ANKRD30A: variants seen among roughly 807,000 people sequenced by gnomAD.
The protein encoded by ANKRD30A is ankyrin repeat domain 30A, also known as ankyrin repeat domain-containing protein 30A.
In ANKRD30A, 170 loss-of-function variants were observed where a neutral mutation model predicts 166.3. The ratio of observed to expected loss-of-function variants is 1.02; its 90% CI spans 0.90 to 1.16. ANKRD30A has a LOEUF of 1.16. ANKRD30A is among the 50% of genes most tolerant of loss of function. The probability of loss-of-function intolerance (pLI) is 0.00; values close to 1 mark genes in which losing one functional copy is unlikely to be tolerated. For synonymous variants in ANKRD30A, 564 were observed against 508.9 expected, an observed-to-expected ratio of 1.11 and a Z score of -1.46; for missense variants, 1,630 against 1,518.0, an observed-to-expected ratio of 1.07 and a Z score of -1.23.
chr10:37,189,391 T>A, intron 24 of ANKRD30A, 76 bp from the exon 25 acceptor site: 2 of 414,142 alleles, frequency 4.8e-6, no homozygotes, highest in East Asian at 7.4e-5. Context: ...AAAAAAGAAT[T>A]TAATTAGGAA....
chr10:37,191,391 T>A (rs1840565106), intron 25 of ANKRD30A, among the ~76,000 whole-genome samples: 1 of 152,014 alleles, frequency 6.6e-6, no homozygotes, highest in Middle Eastern at 3.2e-3. Context: ...TCATCCGAAC[T>A]GTGTGGCTTC....
chr10:37,146,865 G>A (rs1223511727), intron 8 of ANKRD30A, among the ~76,000 whole-genome samples: 1 of 152,094 alleles, frequency 6.6e-6, no homozygotes, highest in Non-Finnish European at 1.5e-5. Flanking sequence ...TTAACTAAAG[G>A]TAAAGATCAG....
At chr10:37,130,927 G>A (rs1355568283) in intron 3 of ANKRD30A, among the ~76,000 whole-genome samples, 1 of 151,978 alleles carries the variant, frequency 6.6e-6, no homozygotes. Flanking sequence ...CTCTCTCATA[G>A]TATATTTTGG....
chr10:37,190,821 G>GAT (rs1034999353), intron 25 of ANKRD30A, among the ~76,000 whole-genome samples: 21 of 150,366 alleles, frequency 1.4e-4, no homozygotes, highest in Non-Finnish European at 2.5e-4. Flanking sequence ...TCAATATATA[G>GAT]ATATATATAT....
chr10:37,134,050 A>C lies in ANKRD30A; in HGVS notation c.752A>C (p.His251Pro). 1 of 1,613,838 alleles carries C rather than the reference A, an allele frequency of 6.2e-7. No homozygotes were observed. Among genetic ancestry groups the C allele is most frequent in the Non-Finnish European group, 8.5e-7 (1 of 1,179,854 alleles). Reference protein sequence around the residue: ...AEHYAVTCGFHHIHEQIMEYI... With the variant: ...AEHYAVTCGFPHIHEQIMEYI... ...CATTATGCTGTTACTTGTGGATTTC[A>C]TCAGTAAGTGTTTACGTTTAGAGGC... is the stretch of plus-strand genomic sequence containing the variant. Residue 251 changes from histidine to proline, a missense_variant, in exon 5 of 36, where the codon CAT (histidine) becomes CCT (proline). By Grantham distance (77) the His-to-Pro change is moderately conservative. Around this residue, in one of 4 missense-constraint regions of ANKRD30A, gnomAD observed 904 missense variants for 818.5 expected, o/e 1.10. Transcript: ENST00000361713.
rs1304119761 is a variant in ANKRD30A at position 37,147,359 on chromosome 10, A to G, written c.1456-11A>G. On this transcript the variant is annotated splice_polypyrimidine_tract_variant and intron_variant, in intron 8 of 35. Transcript: ENST00000361713. ...AAAACTGAAATTATCTATTGATACT[A>G]CTTTTAACAGAGTCTCTTTGAGAGT... is the stretch of plus-strand genomic sequence containing the variant. The G allele has an allele frequency of 6.5e-7, 1 of 1,544,048 alleles. No individual in the cohort carries two copies. The highest frequency in any genetic ancestry group is 1.2e-5 in the South Asian group (1 of 82,774).
intron 25 of ANKRD30A, among the ~76,000 whole-genome samples, chr10:37,192,069 C>T (rs2132658848): frequency 6.6e-6 from 1 of 152,088 alleles, no homozygotes; most frequent in Admixed American, 6.5e-5. Context: ...CAGAGTCTCG[C>T]TCTGTCATCC....
chr10:37,239,807 A>G, the ANKRD30A span, among the ~76,000 whole-genome samples: 1 of 152,128 alleles, frequency 6.6e-6, no homozygotes, highest in Non-Finnish European at 1.5e-5. Flanking sequence ...GTGTTTTTCT[A>G]TTTAAGCAAT....
At chr10:37,206,903 A>G (rs1363275313) in intron 31 of ANKRD30A, among the ~76,000 whole-genome samples, 1 of 152,176 alleles carries the variant, frequency 6.6e-6, no homozygotes, top group African/African-American at 2.4e-5. Context: ...GAATACTAAA[A>G]CTGATTTTTA....
chr10:37,139,970 C>T (rs1836989054), intron 6 of ANKRD30A, among the ~76,000 whole-genome samples: 1 of 152,186 alleles, frequency 6.6e-6, no homozygotes, highest in Non-Finnish European at 1.5e-5. Flanking sequence ...CCACTGTTGA[C>T]CTGTAGCCTT....
In ANKRD30A at chr10:37,209,342, C is replaced by T. The variant is rs538654995; in HGVS notation, c.2870-6839C>T. Among the ~76,000 whole-genome samples, 4 of 152,194 alleles carry T rather than the reference C, an allele frequency of 2.6e-5. No homozygotes were observed. The South Asian group carries it at 8.3e-4, about 32-fold the overall frequency. On this transcript the variant is annotated intron_variant, in intron 31 of 35. Transcript: ENST00000361713. The stretch of plus-strand genomic sequence containing the variant: ...ACAGGAAGCATAACGTGGGGCTCTG[C>T]TTCTGGGGAGGCCTGTGGAAGCTTA...
rs374937693 is a variant in ANKRD30A at position 37,128,343 on chromosome 10, TAAA to T, written c.222-1547_222-1545del. On this transcript the variant is annotated intron_variant, in intron 1 of 35. Transcript: ENST00000361713. ...ATCAGCAATGTGAAATTTGCACAGA[TAAA>T]AATAGTTTCTCACTTTCTATGTTTT... Among the ~76,000 whole-genome samples, 47 of 152,172 alleles carry T rather than the reference TAAA, an allele frequency of 3.1e-4. No individual in the cohort carries two copies. The East Asian group carries it at 8.5e-3, about 27-fold the overall frequency.
chr10:37,140,763 GATACCTAA>G (rs1189293739), intron 6 of ANKRD30A, among the ~76,000 whole-genome samples: 1 of 152,088 alleles, frequency 6.6e-6, no homozygotes, highest in Non-Finnish European at 1.5e-5. Flanking sequence ...ATGCTACTAT[GATACCTAA>G]ATGTGACATA....
chr10:37,161,649 G>T (rs1009497220), intron 15 of ANKRD30A, among the ~76,000 whole-genome samples: 3 of 152,054 alleles, frequency 2.0e-5, no homozygotes, highest in African/African-American at 7.2e-5. Flanking sequence ...CCGGAAGCAG[G>T]AGTCCTACTA....
At chr10:37,197,862 C>T (rs1841273071) in intron 29 of ANKRD30A, among the ~76,000 whole-genome samples, 1 of 152,000 alleles carries the variant, frequency 6.6e-6, no homozygotes, top group African/African-American at 2.4e-5. Flanking sequence ...TGATATAACA[C>T]TCGTGTTTTA....
intron 34 of ANKRD30A, among the ~76,000 whole-genome samples, chr10:37,224,941 G>T (rs965217631): frequency 6.6e-6 from 1 of 151,484 alleles, no homozygotes; most frequent in Non-Finnish European, 1.5e-5. Context: ...TGGTCAAAAG[G>T]TATAAAAAAT....
At chr10:37,167,581 C>A (rs183522272) in intron 19 of ANKRD30A, among the ~76,000 whole-genome samples, 3 of 151,638 alleles carry the variant, frequency 2.0e-5, no homozygotes, top group African/African-American at 4.9e-5. Flanking sequence ...TCTGATGCAA[C>A]TAAATTTAAA....
chr10:37,179,011 CAAATATATATATATATATATATATAT>C (rs1564528871), intron 24 of ANKRD30A, among the ~76,000 whole-genome samples: 1 of 102,846 alleles, frequency 9.7e-6, no homozygotes, highest in African/African-American at 3.7e-5. Context: ...TATGAGGCGT[CAAATATATATATATATATATATATAT>C]ATATATATAT....
chr10:37,230,185 A>G (rs951063074), intron 34 of ANKRD30A, among the ~76,000 whole-genome samples: 5 of 152,006 alleles, frequency 3.3e-5, no homozygotes, highest in African/African-American at 9.7e-5. Flanking sequence ...AAACACCTCT[A>G]TTTAGAGGAA....
Sources: gnomAD v4.1 joint callset for allele counts (sites outside exome capture counted in the v4.1 genomes callset) on GRCh38, gnomAD v4.1.1 for gene constraint, gnomAD v4.1.1 regional missense constraint, MANE v1.5 for transcripts, NCBI Gene and HGNC (gene_info 2026-07-23, HGNC 2026-07-21) for gene names.